ARHGEF38: variants seen among roughly 807,000 people sequenced by gnomAD.
The protein encoded by ARHGEF38 is Rho guanine nucleotide exchange factor 38.
A neutral mutation model predicts 79.9 loss-of-function variants in ARHGEF38; 79 were observed. That is an observed-to-expected ratio of 0.99 (90% CI 0.82 to 1.19). The LOEUF is 1.19. Among genes scored for constraint, ARHGEF38 ranks in the 50% most tolerant of loss-of-function variants. The pLI is 0.00. For synonymous variants in ARHGEF38, 366 were observed against 328.3 expected, an observed-to-expected ratio of 1.11 and a Z score of -1.24; for missense variants, 962 against 907.2, an observed-to-expected ratio of 1.06 and a Z score of -0.78.
At position 105,657,598 on chromosome 4, in the gene ARHGEF38, T is replaced by C. The variant is rs189221666; in HGVS notation, c.1234-1456T>C. Reference sequence around the variant, plus strand: ...TTGTGTCTGTGAGTCACTGGATATATATATATATATAATACTGTAATTAGA... The same window carrying C: ...TTGTGTCTGTGAGTCACTGGATATACATATATATATAATACTGTAATTAGA... On this transcript the variant is annotated intron_variant, in intron 9 of 13. Transcript: ENST00000420470. Among the ~76,000 whole-genome samples, 3 of 152,212 alleles carry C rather than the reference T, an allele frequency of 2.0e-5. No individual in the cohort carries two copies. The East Asian group carries it at 5.8e-4, about 29-fold the overall frequency.
At chr4:105,637,894 C>T (rs1205419785) in intron 5 of ARHGEF38, among the ~76,000 whole-genome samples, 1 of 152,078 alleles carries the variant, frequency 6.6e-6, no homozygotes, top group African/African-American at 2.4e-5. Flanking sequence ...AGGAGTTAGC[C>T]AGGTTGTGTC....
chr4:105,609,518 A>G (rs1028286132), intron 2 of ARHGEF38, among the ~76,000 whole-genome samples: 2 of 152,092 alleles, frequency 1.3e-5, no homozygotes, highest in African/African-American at 4.8e-5. Context: ...TACTGTTAAA[A>G]TATCCATTCT....
chr4:105,682,544 A>G, downstream of ARHGEF38: 1 of 537,166 alleles, frequency 1.9e-6, no homozygotes, highest in African/African-American at 1.9e-5. Context: ...ATTAGAATAA[A>G]AATGTTGAAG....
chr4:105,663,689 G>T (rs1256751233), intron 10 of ARHGEF38, among the ~76,000 whole-genome samples: 1 of 152,112 alleles, frequency 6.6e-6, no homozygotes, highest in Non-Finnish European at 1.5e-5. Context: ...CACATTTTGG[G>T]CTGGATGTGG....
chr4:105,608,674 C>T (rs867099099), intron 2 of ARHGEF38, among the ~76,000 whole-genome samples: 1 of 151,784 alleles, frequency 6.6e-6, no homozygotes. Flanking sequence ...TTATTGTTAA[C>T]TATAGTCACC....
At chr4:105,682,117 G>A (rs1401353997), downstream of ARHGEF38, among the ~76,000 whole-genome samples, 1 of 152,080 alleles carries the variant, frequency 6.6e-6, no homozygotes, top group Non-Finnish European at 1.5e-5. Flanking sequence ...AGCACCAGGA[G>A]AGTTCACAAT....
chr4:105,581,569 CTATT>C (rs1161127763), intron 1 of ARHGEF38, among the ~76,000 whole-genome samples: 1 of 152,054 alleles, frequency 6.6e-6, no homozygotes, highest in South Asian at 2.1e-4. Context: ...TACAACTCAA[CTATT>C]TATTCAACTT....
At chr4:105,593,339 C>T (rs903646446) in intron 2 of ARHGEF38, among the ~76,000 whole-genome samples, 8 of 151,896 alleles carry the variant, frequency 5.3e-5, no homozygotes, top group African/African-American at 1.7e-4. Flanking sequence ...GCCAGGAGTT[C>T]GAGACCAGCC....
chr4:105,602,966 C>T (rs943116333), intron 2 of ARHGEF38, among the ~76,000 whole-genome samples: 16 of 152,110 alleles, frequency 1.1e-4, no homozygotes, highest in African/African-American at 3.9e-4. Flanking sequence ...CAGCTTAATG[C>T]TGTGGGGAGC....
intron 10 of ARHGEF38, among the ~76,000 whole-genome samples, chr4:105,665,260 C>T (rs145310541): frequency 0.034 from 5,095 of 151,912 alleles, 234 homozygotes; most frequent in African/African-American, 0.11. Context: ...TTTGGGAGGC[C>T]GAGGCGGGCG....
At chr4:105,585,355 C>A (rs1726983353) in intron 1 of ARHGEF38, among the ~76,000 whole-genome samples, 1 of 152,176 alleles carries the variant, frequency 6.6e-6, no homozygotes, top group Admixed American at 6.5e-5. Flanking sequence ...CTACTGTGTT[C>A]TCACAGCTGA....
At chr4:105,670,539 T>G (rs932893824) in intron 13 of ARHGEF38, among the ~76,000 whole-genome samples, 1 of 151,554 alleles carries the variant, frequency 6.6e-6, no homozygotes, top group Non-Finnish European at 1.5e-5. Flanking sequence ...TGAGTGCAAG[T>G]TTTTTTTTAA....
At chr4:105,570,899 G>A (rs905988570) in intron 1 of ARHGEF38, among the ~76,000 whole-genome samples, 8 of 152,206 alleles carry the variant, frequency 5.3e-5, no homozygotes, top group Middle Eastern at 3.4e-3. Context: ...ATTACATTCC[G>A]CTAACTGAAA....
intron 1 of ARHGEF38, among the ~76,000 whole-genome samples, chr4:105,562,248 A>G (rs956656961): frequency 6.6e-6 from 1 of 152,182 alleles, no homozygotes; most frequent in Non-Finnish European, 1.5e-5. Flanking sequence ...TACTCTATGA[A>G]ATTATACTAC....
chr4:105,576,054 G>C (rs1412898041), intron 1 of ARHGEF38, among the ~76,000 whole-genome samples: 1 of 152,110 alleles, frequency 6.6e-6, no homozygotes, highest in Non-Finnish European at 1.5e-5. Flanking sequence ...CTACAGCCTT[G>C]TAGTATAACT....
At chr4:105,585,183 C>A (rs1284961140) in intron 1 of ARHGEF38, among the ~76,000 whole-genome samples, 5 of 152,096 alleles carry the variant, frequency 3.3e-5, no homozygotes, top group African/African-American at 1.2e-4. Flanking sequence ...TTCCCATTCC[C>A]ACAGAAATAG....
At chr4:105,598,231 C>T (rs937053702) in intron 2 of ARHGEF38, among the ~76,000 whole-genome samples, 1 of 152,152 alleles carries the variant, frequency 6.6e-6, no homozygotes, top group African/African-American at 2.4e-5. Context: ...ATCTCCTATT[C>T]GATCCAGCCC....
At chr4:105,665,878 A>G (rs1284284528) in intron 10 of ARHGEF38, among the ~76,000 whole-genome samples, 1 of 152,186 alleles carries the variant, frequency 6.6e-6, no homozygotes, top group African/African-American at 2.4e-5. Flanking sequence ...CTACCCCACC[A>G]CAAGGGAGGT....
At chr4:105,644,694 A>G (rs1378866644) in intron 5 of ARHGEF38, among the ~76,000 whole-genome samples, 1 of 152,234 alleles carries the variant, frequency 6.6e-6, no homozygotes, top group Non-Finnish European at 1.5e-5. Flanking sequence ...TAGAACCTAC[A>G]AAACATTGTA....
Sources: allele counts gnomAD v4.1 joint callset (sites outside exome capture counted in the v4.1 genomes callset), GRCh38; gene constraint gnomAD v4.1.1; transcripts MANE v1.5; gene names NCBI Gene and HGNC (gene_info 2026-07-23, HGNC 2026-07-21).